Variants in SLC35F2 observed in about 807,000 individuals in gnomAD.
The protein encoded by SLC35F2 is solute carrier family 35 member F2, also known as queuine/queuosine transporter SLC35F2.
SLC35F2 carries 25 observed loss-of-function variants against 38.1 expected under a neutral mutation model. That is an observed-to-expected ratio of 0.66 (90% CI 0.48 to 0.92). SLC35F2 has a LOEUF of 0.92. SLC35F2 is among the 40% of genes least tolerant of loss of function. The probability of loss-of-function intolerance (pLI) is 0.00; values close to 1 mark genes in which losing one functional copy is unlikely to be tolerated. For synonymous variants in SLC35F2, 173 were observed against 181.7 expected, an observed-to-expected ratio of 0.95 and a Z score of 0.38; for missense variants, 409 against 452.9, an observed-to-expected ratio of 0.90 and a Z score of 0.88.
At chr11:107,853,707 G>C (rs369120980) in intron 1 of SLC35F2, among the ~76,000 whole-genome samples, 2 of 117,772 alleles carry the variant, frequency 1.7e-5, no homozygotes, top group Non-Finnish European at 3.2e-5. Flanking sequence ...GCGACAGAGC[G>C]AGACTCCGTC....
intron 1 of SLC35F2, among the ~76,000 whole-genome samples, chr11:107,852,733 A>T (rs565829866): frequency 2.4e-4 from 36 of 151,318 alleles, no homozygotes; most frequent in Non-Finnish European, 4.4e-4. Flanking sequence ...TTAGCCAGGC[A>T]TGGTGGCATG....
chr11:107,854,164 G>A (rs1860239018), intron 1 of SLC35F2, among the ~76,000 whole-genome samples: 1 of 152,080 alleles, frequency 6.6e-6, no homozygotes. Context: ...AGGTGCAGTG[G>A]GCCACTCTTG....
At chr11:107,815,545 G>A (rs1859557368) in intron 2 of SLC35F2, among the ~76,000 whole-genome samples, 1 of 151,332 alleles carries the variant, frequency 6.6e-6, no homozygotes, top group African/African-American at 2.4e-5. Flanking sequence ...GTGACAGAGT[G>A]AGACCCTGTC....
rs1192349369 is a variant in SLC35F2, at chr11:107,804,700, A to C, written c.784+18T>G. ...TTGTTAAAGAATGCTGACTAAAAGG[A>C]ATTATTTCTTTACATACCAATTTTC... is the stretch of plus-strand genomic sequence containing the variant. On this transcript the variant is annotated intron_variant, in intron 6 of 7. Coordinates refer to ENST00000525815, the MANE Select transcript of SLC35F2 (RefSeq NM_017515.5). The C allele has an allele frequency of 6.4e-7, 1 of 1,560,346 alleles. No homozygotes were observed. Among genetic ancestry groups the C allele is most frequent in the African/African-American group, 1.4e-5 (1 of 73,494 alleles).
At chr11:107,799,425 T>G (rs1213730399) in intron 7 of SLC35F2, among the ~76,000 whole-genome samples, 1 of 152,102 alleles carries the variant, frequency 6.6e-6, no homozygotes, top group Non-Finnish European at 1.5e-5. Context: ...AACTGCTATA[T>G]AGAAACACCA....
chr11:107,799,275 G>C (rs1859267515), intron 7 of SLC35F2, among the ~76,000 whole-genome samples: 2 of 152,166 alleles, frequency 1.3e-5, no homozygotes, highest in Non-Finnish European at 2.9e-5. Flanking sequence ...AAAATAACTG[G>C]AAAGGAATTT....
In SLC35F2 at chr11:107,829,138, A is replaced by C. The variant is rs181326664; in HGVS notation, c.111-13173T>G. Among the ~76,000 whole-genome samples the C allele has an allele frequency of 4.1e-3, 529 of 129,394 alleles. 9 individuals carry two copies. The highest frequency in any genetic ancestry group is 1.3e-3 in the Non-Finnish European group (81 of 63,324). The allele number at this position is 129,394 out of a possible 152,430, so 84.9% of individuals were successfully genotyped here. Reference sequence around the variant, plus strand: ...GAGGTCAGTAGGAAAAAAAAAAAAGAAAAAAAAAAAAAGCTCACACCTGTA... The same window carrying C: ...GAGGTCAGTAGGAAAAAAAAAAAAGCAAAAAAAAAAAAGCTCACACCTGTA... On this transcript the variant is annotated intron_variant, in intron 1 of 7. Transcript: ENST00000525815.
chr11:107,793,478 C>T (rs941467321), intron 7 of SLC35F2, among the ~76,000 whole-genome samples: 1 of 152,038 alleles, frequency 6.6e-6, no homozygotes, highest in Non-Finnish European at 1.5e-5. Context: ...CTAGACACTG[C>T]TTACAATATT....
At chr11:107,818,302 A>T (rs1264265768) in intron 1 of SLC35F2, among the ~76,000 whole-genome samples, 1 of 152,066 alleles carries the variant, frequency 6.6e-6, no homozygotes, top group Non-Finnish European at 1.5e-5. Context: ...ACAGTAGTGC[A>T]CGCCTGTAAT....
At chr11:107,823,937 AAAAAAAG>A in intron 1 of SLC35F2, 8 of 947,566 alleles carry the variant, frequency 8.4e-6, no homozygotes, top group African/African-American at 1.8e-5. Context: ...AAAAAAAAAA[AAAAAAAG>A]AAAAAAGAAA....
At chr11:107,796,449 A>T (rs1859218815) in intron 7 of SLC35F2, among the ~76,000 whole-genome samples, 2 of 152,256 alleles carry the variant, frequency 1.3e-5, no homozygotes. Flanking sequence ...TTCAGCCACA[A>T]AAAAATGAAA....
intron 1 of SLC35F2, among the ~76,000 whole-genome samples, chr11:107,828,625 T>C (rs1378139912): frequency 6.6e-6 from 1 of 152,126 alleles, no homozygotes; most frequent in African/African-American, 2.4e-5. Flanking sequence ...GAGTTTGTCC[T>C]TGTGGAAATA....
At chr11:107,845,908 G>A (rs140610486) in intron 1 of SLC35F2, among the ~76,000 whole-genome samples, 23 of 151,720 alleles carry the variant, frequency 1.5e-4, no homozygotes, top group South Asian at 2.1e-4. Context: ...TGCCAAGATC[G>A]CGCCGTTGCA....
chr11:107,834,200 C>T (rs961613189), intron 1 of SLC35F2, among the ~76,000 whole-genome samples: 4 of 152,098 alleles, frequency 2.6e-5, no homozygotes, highest in African/African-American at 7.2e-5. Context: ...GGAGTTTGTC[C>T]GGCTTTCCCA....
chr11:107,846,555 G>T (rs539448835), intron 1 of SLC35F2, among the ~76,000 whole-genome samples: 125 of 152,168 alleles, frequency 8.2e-4, no homozygotes, highest in Middle Eastern at 3.4e-3. Flanking sequence ...AATCCTCAAA[G>T]AATTGCTGCC....
At chr11:107,822,679 T>A (rs1427247537) in intron 1 of SLC35F2, among the ~76,000 whole-genome samples, 1 of 152,106 alleles carries the variant, frequency 6.6e-6, no homozygotes, top group Non-Finnish European at 1.5e-5. Context: ...AAATAGGGTA[T>A]TTGCTATTGT....
At chr11:107,841,285 G>A (rs1018219173) in intron 1 of SLC35F2, among the ~76,000 whole-genome samples, 8 of 152,156 alleles carry the variant, frequency 5.3e-5, no homozygotes, top group Non-Finnish European at 1.0e-4. Context: ...AAGGCCGGCC[G>A]GGTGTGGCAG....
chr11:107,805,067 C>T (rs1859371400), intron 5 of SLC35F2: 1 of 985,184 alleles, frequency 1.0e-6, no homozygotes, highest in Non-Finnish European at 1.2e-6. Context: ...TTAATATTTT[C>T]TGGAAATAAC....
At chr11:107,843,042 T>A (rs573391387) in intron 1 of SLC35F2, among the ~76,000 whole-genome samples, 1 of 152,202 alleles carries the variant, frequency 6.6e-6, no homozygotes, top group African/African-American at 2.4e-5. Flanking sequence ...CAACGTGATA[T>A]AAGGGGATAT....
Sources: allele counts gnomAD v4.1 joint callset (sites outside exome capture counted in the v4.1 genomes callset), GRCh38; gene constraint gnomAD v4.1.1; transcripts MANE v1.5; gene names NCBI Gene and HGNC (gene_info 2026-07-23, HGNC 2026-07-21).